The following KAZN variants were observed in gnomAD, a reference collection of about 807,000 sequenced individuals.
KAZN encodes the protein kazrin.
In KAZN, 40 loss-of-function variants were observed where a neutral mutation model predicts 87.4. The observed-to-expected ratio is 0.46, with a 90% CI of 0.36 to 0.60. The LOEUF (loss-of-function observed/expected upper bound fraction) is 0.60, where lower values mean the gene tolerates loss of function less well. Among genes scored for constraint, KAZN ranks in the 20% least tolerant of loss-of-function variants. The pLI is 0.00. For synonymous variants in KAZN, 466 were observed against 458.3 expected, an observed-to-expected ratio of 1.02 and a Z score of -0.22; for missense variants, 898 against 1,073.9, an observed-to-expected ratio of 0.84 and a Z score of 2.29.
At chr1:15,043,943 G>T (rs745882874) in intron 3 of KAZN, 46 bp from the exon 4 acceptor site, 2 of 1,548,738 alleles carry the variant, frequency 1.3e-6, no homozygotes, top group Non-Finnish European at 1.8e-6. Context: ...GCCAGGAGGA[G>T]CCTGGCTGTA....
intron 1 of KAZN, among the ~76,000 whole-genome samples, chr1:13,998,478 T>A (rs1239476462): frequency 6.6e-6 from 1 of 152,054 alleles, no homozygotes; most frequent in Non-Finnish European, 1.5e-5. Flanking sequence ...TTCAGGAGAC[T>A]CAACTCATGT....
chr1:14,843,505 A>G (rs1234640998), intron 1 of KAZN, among the ~76,000 whole-genome samples: 2 of 152,200 alleles, frequency 1.3e-5, no homozygotes, highest in Non-Finnish European at 2.9e-5. Flanking sequence ...CATGAGGCTC[A>G]TTAGAGGAGA....
chr1:14,538,845 T>G (rs1672648144), intron 2 of KAZN, among the ~76,000 whole-genome samples: 1 of 152,164 alleles, frequency 6.6e-6, no homozygotes, highest in South Asian at 2.1e-4. Flanking sequence ...ATATTTACCA[T>G]CCAGTATAAC....
At chr1:14,329,917 T>C (rs778204559) in intron 2 of KAZN, among the ~76,000 whole-genome samples, 1 of 152,232 alleles carries the variant, frequency 6.6e-6, no homozygotes, top group Non-Finnish European at 1.5e-5. Flanking sequence ...TCTTCTAGGA[T>C]GGAAGAGTCT....
At chr1:14,981,309 A>G (rs937084391) in intron 2 of KAZN, among the ~76,000 whole-genome samples, 1 of 152,218 alleles carries the variant, frequency 6.6e-6, no homozygotes, top group Non-Finnish European at 1.5e-5. Flanking sequence ...CCAGTAGCAC[A>G]GTTCTGTGCA....
chr1:14,447,193 A>G (rs907113487), intron 2 of KAZN, among the ~76,000 whole-genome samples: 1 of 146,774 alleles, frequency 6.8e-6, no homozygotes, highest in Non-Finnish European at 1.5e-5. Context: ...CCCTTGGAAC[A>G]TGGCGTTTCC....
intron 2 of KAZN, among the ~76,000 whole-genome samples, chr1:14,382,610 T>C (rs966788775): frequency 2.0e-4 from 30 of 148,718 alleles, no homozygotes; most frequent in Non-Finnish European, 4.5e-5. Context: ...AGAATGATGA[T>C]TTCCAATTTC....
intron 2 of KAZN, among the ~76,000 whole-genome samples, chr1:14,540,481 T>A (rs1672744131): frequency 6.6e-6 from 1 of 152,262 alleles, no homozygotes; most frequent in South Asian, 2.1e-4. Flanking sequence ...GGCTGAGTGA[T>A]GCAACCATGG....
intron 1 of KAZN, among the ~76,000 whole-genome samples, chr1:14,052,624 C>T (rs1642387300): frequency 1.3e-5 from 2 of 151,978 alleles, no homozygotes; most frequent in South Asian, 2.1e-4. Context: ...GGCCCTACTC[C>T]AGCTGTCTGA....
chr1:14,540,266 G>A (rs1335201751), intron 2 of KAZN, among the ~76,000 whole-genome samples: 1 of 152,226 alleles, frequency 6.6e-6, no homozygotes, highest in Non-Finnish European at 1.5e-5. Context: ...AAATGCCAGA[G>A]TGGTCACTTA....
At chr1:14,459,389 G>A (rs1479327933) in intron 2 of KAZN, among the ~76,000 whole-genome samples, 3 of 151,688 alleles carry the variant, frequency 2.0e-5, no homozygotes, top group Admixed American at 2.0e-4. Flanking sequence ...ATTAATGTGA[G>A]GCAGAAATTG....
At chr1:14,118,786 G>C (rs558467208) in intron 1 of KAZN, among the ~76,000 whole-genome samples, 1 of 152,164 alleles carries the variant, frequency 6.6e-6, no homozygotes, top group Non-Finnish European at 1.5e-5. Context: ...ATTGGATCAT[G>C]GTGGATTGCA....
chr1:14,982,912 T>C, intron 2 of KAZN, among the ~76,000 whole-genome samples: 1 of 152,072 alleles, frequency 6.6e-6, no homozygotes, highest in East Asian at 1.9e-4. Context: ...AGGTCCCCAT[T>C]AGTAAAGGTA....
At chr1:15,097,418 CA>C (rs1380326111) in intron 10 of KAZN, among the ~76,000 whole-genome samples, 1 of 152,134 alleles carries the variant, frequency 6.6e-6, no homozygotes, top group Non-Finnish European at 1.5e-5. Flanking sequence ...TACAAAATAC[CA>C]ATGACAAAAC....
intron 2 of KAZN, among the ~76,000 whole-genome samples, chr1:14,200,047 C>T (rs1430954791): frequency 6.6e-6 from 1 of 152,030 alleles, no homozygotes; most frequent in Admixed American, 6.6e-5. Context: ...TATTTCTCTG[C>T]TGTTTAACTT....
At chr1:14,356,919 G>T (rs1254187703) in intron 2 of KAZN, among the ~76,000 whole-genome samples, 1 of 151,958 alleles carries the variant, frequency 6.6e-6, no homozygotes, top group Admixed American at 6.6e-5. Context: ...GCTCTTTTTT[G>T]GTTCCATATG....
intron 2 of KAZN, among the ~76,000 whole-genome samples, chr1:14,558,404 G>T (rs1674046102): frequency 6.6e-6 from 1 of 152,120 alleles, no homozygotes; most frequent in Non-Finnish European, 1.5e-5. Context: ...TTTACTGCTT[G>T]TCACTCATTT....
chr1:14,693,441 TGA>T (rs1403206144), intron 1 of KAZN, among the ~76,000 whole-genome samples: 1 of 152,198 alleles, frequency 6.6e-6, no homozygotes, highest in Admixed American at 6.5e-5. Flanking sequence ...GATCCTAAGC[TGA>T]GAGAGGGAAA....
At chr1:14,076,010 G>A (rs368425424) in intron 1 of KAZN, among the ~76,000 whole-genome samples, 11 of 152,158 alleles carry the variant, frequency 7.2e-5, no homozygotes, top group African/African-American at 1.9e-4. Flanking sequence ...GACTGGGCGC[G>A]GTGGCTCATG....
Sources: allele counts gnomAD v4.1 joint callset (sites outside exome capture counted in the v4.1 genomes callset), GRCh38; gene constraint gnomAD v4.1.1; transcripts MANE v1.5; gene names NCBI Gene and HGNC (gene_info 2026-07-23, HGNC 2026-07-21).